Variants in BFSP2 observed in about 807,000 individuals in gnomAD.
The protein encoded by BFSP2 is beaded filament structural protein 2.
In BFSP2, 38 loss-of-function variants were observed where a neutral mutation model predicts 44.9. The observed-to-expected ratio is 0.85, with a 90% CI of 0.65 to 1.11. The LOEUF (loss-of-function observed/expected upper bound fraction) is 1.11. BFSP2 is among the 50% of genes least tolerant of loss of function. The probability of loss-of-function intolerance (pLI) is 0.00; values close to 1 mark genes in which losing one functional copy is unlikely to be tolerated. For synonymous variants in BFSP2, 197 were observed against 209.9 expected, an observed-to-expected ratio of 0.94 and a Z score of 0.53; for missense variants, 525 against 533.0, an observed-to-expected ratio of 0.99 and a Z score of 0.15.
chr3:133,401,686 G>A lies in BFSP2; in HGVS notation c.489+1114G>A, dbSNP rs1017694608. ...CTCTTTCTCTCCAGATGCTGGCCTT[G>A]GGATCCCTCTGAGCAAAATCAGTCT... On this transcript the variant is annotated intron_variant, in intron 1 of 6. Coordinates refer to ENST00000302334, the MANE Select transcript of BFSP2 (RefSeq NM_003571.4). 5.3e-5 allele frequency among the ~76,000 whole-genome samples: 8 copies of A among 152,238 alleles called. No homozygotes were observed. The East Asian group carries it at 1.5e-3, about 29-fold the overall frequency.
intron 1 of BFSP2, among the ~76,000 whole-genome samples, chr3:133,443,935 G>A (rs2073869645): frequency 6.6e-6 from 1 of 151,836 alleles, no homozygotes; most frequent in African/African-American, 2.4e-5. Context: ...CACAATGATG[G>A]TCAAATCTCT....
intron 5 of BFSP2, among the ~76,000 whole-genome samples, chr3:133,470,115 G>T (rs2074148359): frequency 6.6e-6 from 1 of 152,162 alleles, no homozygotes; most frequent in African/African-American, 2.4e-5. Context: ...GCTATAGAAA[G>T]GTTTCCAGAT....
At chr3:133,425,947 A>T (rs1215175245) in intron 1 of BFSP2, among the ~76,000 whole-genome samples, 3 of 2,092 alleles carry the variant, frequency 1.4e-3, no homozygotes, top group African/African-American at 5.7e-3. Flanking sequence ...AAGGGAAGGG[A>T]GGGGAGGGGG....
chr3:133,453,127 G>C (rs930780816), intron 4 of BFSP2, among the ~76,000 whole-genome samples: 1 of 152,214 alleles, frequency 6.6e-6, no homozygotes, highest in Non-Finnish European at 1.5e-5. Flanking sequence ...TTTGCAGAAT[G>C]AGTGAATTCC....
chr3:133,450,927 G>T (rs368405637), intron 4 of BFSP2, among the ~76,000 whole-genome samples: 11 of 152,128 alleles, frequency 7.2e-5, no homozygotes, highest in Admixed American at 5.2e-4. Context: ...CTGGCTAACA[G>T]GGTGAAACAC....
chr3:133,455,069 T>G (rs1340080058), intron 4 of BFSP2, among the ~76,000 whole-genome samples: 1 of 152,234 alleles, frequency 6.6e-6, no homozygotes, highest in Non-Finnish European at 1.5e-5. Context: ...AACAATGCCT[T>G]CTTCTGGAAT....
intron 4 of BFSP2, among the ~76,000 whole-genome samples, 167 bp from the exon 5 acceptor site, chr3:133,466,661 C>A (rs529891215): frequency 7.7e-5 from 4 of 52,230 alleles, no homozygotes; most frequent in Non-Finnish European, 1.6e-4. Flanking sequence ...GGCTACAGAG[C>A]GAGACTTCAT....
intron 1 of BFSP2, among the ~76,000 whole-genome samples, chr3:133,433,540 T>A (rs1027042270): frequency 1.3e-5 from 2 of 152,168 alleles, no homozygotes; most frequent in Non-Finnish European, 2.9e-5. Context: ...GTCAGATAAC[T>A]AAACTACCTC....
chr3:133,412,007 A>C (rs1334251157), intron 1 of BFSP2, among the ~76,000 whole-genome samples: 2 of 152,240 alleles, frequency 1.3e-5, no homozygotes, highest in Non-Finnish European at 1.5e-5. Context: ...GTATTACGAA[A>C]GTATTATTAA....
At chr3:133,420,624 C>A (rs1343813683) in intron 1 of BFSP2, among the ~76,000 whole-genome samples, 2 of 152,172 alleles carry the variant, frequency 1.3e-5, no homozygotes, top group Non-Finnish European at 2.9e-5. Flanking sequence ...GGTTTTCCTT[C>A]CTTACAGCAA....
chr3:133,420,120 C>T (rs2073578987), intron 1 of BFSP2, among the ~76,000 whole-genome samples: 1 of 152,206 alleles, frequency 6.6e-6, no homozygotes, highest in South Asian at 2.1e-4. Context: ...TGAGCACATA[C>T]TCATAGGTGG....
intron 3 of BFSP2, 113 bp from the exon 4 acceptor site, chr3:133,450,190 G>A: frequency 3.4e-6 from 4 of 1,186,080 alleles, no homozygotes; most frequent in Non-Finnish European, 3.7e-6. Context: ...CCTGTGTCTG[G>A]CAGTTGTGGA....
intron 1 of BFSP2, chr3:133,410,587 C>T (rs2073442792): frequency 7.0e-6 from 2 of 285,278 alleles, no homozygotes; most frequent in Non-Finnish European, 1.4e-5. Context: ...GTATCTTTTC[C>T]AAGTGGGCAG....
intron 1 of BFSP2, among the ~76,000 whole-genome samples, chr3:133,428,743 C>T (rs776424270): frequency 6.6e-6 from 1 of 152,206 alleles, no homozygotes; most frequent in Non-Finnish European, 1.5e-5. Flanking sequence ...ACTGGGACTG[C>T]GTCCACATGA....
At chr3:133,472,204 C>G in intron 5 of BFSP2, 141 bp from the exon 6 acceptor site, 3 of 882,990 alleles carry the variant, frequency 3.4e-6, no homozygotes, top group Non-Finnish European at 5.4e-6. Context: ...TAACCCCCAT[C>G]AGTCTCCATA....
chr3:133,403,208 C>T (rs574797941), intron 1 of BFSP2, among the ~76,000 whole-genome samples: 1 of 152,252 alleles, frequency 6.6e-6, no homozygotes, highest in African/African-American at 2.4e-5. Context: ...CGGTCCTGGG[C>T]CCCAGAAATC....
chr3:133,438,194 C>A (rs759069805), intron 1 of BFSP2, among the ~76,000 whole-genome samples: 4 of 152,152 alleles, frequency 2.6e-5, no homozygotes, highest in Non-Finnish European at 4.4e-5. Flanking sequence ...TGGCAGATAA[C>A]TTGAGCAATC....
At chr3:133,419,585 C>T (rs1289515944) in intron 1 of BFSP2, among the ~76,000 whole-genome samples, 4 of 152,184 alleles carry the variant, frequency 2.6e-5, no homozygotes, top group African/African-American at 9.7e-5. Context: ...TTTTTCTGTC[C>T]TTCTCTGCCT....
intron 4 of BFSP2, 39 bp from the exon 5 acceptor site, chr3:133,466,789 T>C (rs1476507239): frequency 6.3e-7 from 1 of 1,599,876 alleles, no homozygotes; most frequent in Non-Finnish European, 8.5e-7. Context: ...CTCAGATTTC[T>C]GATCATCACC....
Sources: allele counts gnomAD v4.1 joint callset (sites outside exome capture counted in the v4.1 genomes callset), GRCh38; gene constraint gnomAD v4.1.1; transcripts MANE v1.5; gene names NCBI Gene and HGNC (gene_info 2026-07-23, HGNC 2026-07-21).